SLC35F4: variants seen among roughly 807,000 people sequenced by gnomAD.
SLC35F4 encodes the protein chromosome 14 open reading frame 36.
In SLC35F4, 24 loss-of-function variants were observed where a neutral mutation model predicts 44.2. The ratio of observed to expected loss-of-function variants is 0.54; its 90% CI spans 0.39 to 0.76. The LOEUF (loss-of-function observed/expected upper bound fraction) is 0.76. Ranked by LOEUF, SLC35F4 falls within the 30% of genes least tolerant of loss-of-function variation. SLC35F4 has a pLI of 0.00. For synonymous variants in SLC35F4, 238 were observed against 223.6 expected (o/e 1.06, Z -0.57); for missense variants, 562 against 586.1 (o/e 0.96, Z 0.42).
chr14:57,618,265 A>C (rs563787494), intron 1 of SLC35F4, among the ~76,000 whole-genome samples: 1 of 152,362 alleles, frequency 6.6e-6, no homozygotes, highest in East Asian at 1.9e-4. Flanking sequence ...AAATAGGAAT[A>C]GCACTGGTAT....
intron 1 of SLC35F4, among the ~76,000 whole-genome samples, chr14:57,865,132 G>T (rs1188534499): frequency 6.6e-6 from 1 of 150,682 alleles, no homozygotes; most frequent in African/African-American, 2.5e-5. Context: ...GACCTGAGCA[G>T]GTTCTTTTCT....
intron 1 of SLC35F4, among the ~76,000 whole-genome samples, chr14:57,725,399 C>T (rs7156684): frequency 0.046 from 6,969 of 152,294 alleles, 204 homozygotes; most frequent in South Asian, 0.087. Context: ...GTTGATTATA[C>T]TGGACATCTT....
chr14:57,573,784 C>T (rs914522332), intron 4 of SLC35F4, among the ~76,000 whole-genome samples: 4 of 152,152 alleles, frequency 2.6e-5, no homozygotes, highest in Non-Finnish European at 5.9e-5. Context: ...GGTTAGTGTT[C>T]ATGTGCACAA....
At chr14:57,825,195 G>A (rs1161328135) in intron 1 of SLC35F4, among the ~76,000 whole-genome samples, 2 of 152,070 alleles carry the variant, frequency 1.3e-5, no homozygotes, top group Non-Finnish European at 2.9e-5. Context: ...ACAAGGAGAA[G>A]ACCATGAGAG....
chr14:57,895,581 A>ACTCTCTCTCT (rs373339951), intron 1 of SLC35F4, among the ~76,000 whole-genome samples: 6 of 131,834 alleles, frequency 4.6e-5, no homozygotes, highest in South Asian at 2.4e-4. Flanking sequence ...TCGCTCTCTC[A>ACTCTCTCTCT]CTCTCTCTCT....
At chr14:57,970,720 C>G (rs1881027947) in intron 1 of SLC35F4, among the ~76,000 whole-genome samples, 1 of 152,138 alleles carries the variant, frequency 6.6e-6, no homozygotes, top group East Asian at 1.9e-4. Flanking sequence ...GGAGTTGGCT[C>G]TATGACAAAA....
chr14:57,889,329 C>T (rs940082500), intron 1 of SLC35F4, among the ~76,000 whole-genome samples: 3 of 152,212 alleles, frequency 2.0e-5, no homozygotes, highest in African/African-American at 7.2e-5. Context: ...AAGCACGAGC[C>T]ATCTTGGCTT....
chr14:57,594,406 T>C (rs2070372348), intron 1 of SLC35F4, among the ~76,000 whole-genome samples: 1 of 152,094 alleles, frequency 6.6e-6, no homozygotes, highest in Admixed American at 6.5e-5. Context: ...CCAGGCTGGC[T>C]GAAGTAGATT....
At chr14:57,844,438 A>G (rs995801197) in intron 1 of SLC35F4, among the ~76,000 whole-genome samples, 4 of 152,220 alleles carry the variant, frequency 2.6e-5, no homozygotes, top group Non-Finnish European at 4.4e-5. Flanking sequence ...CAGGGTCAGC[A>G]TTCCAATGAT....
At chr14:57,929,085 T>A (rs972370327) in intron 1 of SLC35F4, among the ~76,000 whole-genome samples, 1 of 152,154 alleles carries the variant, frequency 6.6e-6, no homozygotes, top group Non-Finnish European at 1.5e-5. Context: ...AGTCTTGAGC[T>A]GTAAGAGATT....
chr14:57,700,873 T>G (rs2075519606), intron 1 of SLC35F4, among the ~76,000 whole-genome samples: 1 of 152,128 alleles, frequency 6.6e-6, no homozygotes, highest in Non-Finnish European at 1.5e-5. Context: ...ATCATCGCAC[T>G]TCAGCCTGGG....
In SLC35F4 at chr14:57,934,264, G is replaced by T. The variant is rs371086722; in HGVS notation, n.282+47649C>A. ...CCCTCTTTTGTCCCCCATTAACTAGGTTGTGGGGAGTGGGATGATGAGAAT... is the reference window on the plus strand; with the variant it reads ...CCCTCTTTTGTCCCCCATTAACTAGTTTGTGGGGAGTGGGATGATGAGAAT... On this transcript the variant is annotated intron_variant and non_coding_transcript_variant, in intron 1 of 1. Coordinates refer to the SLC35F4 transcript ENST00000556568. Among the ~76,000 whole-genome samples, 9 of 151,038 alleles carry T rather than the reference G, an allele frequency of 6.0e-5. No individual in the cohort carries two copies. In the East Asian group the frequency reaches 1.6e-3, roughly 26 times the overall value.
At chr14:57,887,054 C>T (rs763930311) in intron 1 of SLC35F4, among the ~76,000 whole-genome samples, 7 of 152,188 alleles carry the variant, frequency 4.6e-5, no homozygotes, top group Non-Finnish European at 1.0e-4. Flanking sequence ...TGCTAAAGGT[C>T]TGTATGCACA....
chr14:57,839,845 C>T (rs1407452114), intron 1 of SLC35F4, among the ~76,000 whole-genome samples: 1 of 152,118 alleles, frequency 6.6e-6, no homozygotes, highest in Non-Finnish European at 1.5e-5. Context: ...TTTAAATATT[C>T]CACAGGAGAT....
intron 1 of SLC35F4, among the ~76,000 whole-genome samples, chr14:57,799,880 G>T (rs1005283686): frequency 1.3e-5 from 2 of 152,240 alleles, no homozygotes; most frequent in Non-Finnish European, 2.9e-5. Flanking sequence ...GAGCTCTGAG[G>T]GGGAGGTGCA....
intron 1 of SLC35F4, among the ~76,000 whole-genome samples, chr14:57,937,484 CATA>C (rs1202304387): frequency 2.0e-5 from 3 of 148,940 alleles, no homozygotes; most frequent in Non-Finnish European, 3.0e-5. Flanking sequence ...ATAAAGAGGT[CATA>C]ATAATAGGTT....
intron 1 of SLC35F4, among the ~76,000 whole-genome samples, chr14:57,855,035 G>T (rs116167378): frequency 4.5e-4 from 68 of 152,254 alleles, no homozygotes; most frequent in African/African-American, 1.5e-3. Flanking sequence ...AGTGAGCATG[G>T]TTCTTTGAAG....
intron 1 of SLC35F4, among the ~76,000 whole-genome samples, chr14:57,678,625 A>G (rs2074781175): frequency 1.3e-5 from 2 of 152,016 alleles, no homozygotes; most frequent in African/African-American, 2.4e-5. Flanking sequence ...CAGGAGACCC[A>G]TCGCAAGTGC....
At position 57,865,902 on chromosome 14, in the gene SLC35F4, C is replaced by T. The variant is rs912982152; in HGVS notation, c.-77G>A. On this transcript the variant is annotated 5_prime_UTR_variant, in exon 1 of 8. Transcript: ENST00000556826. ...GGGGCCCGGGAGCTGGTGCAGGTGC[C>T]GGAGCCGCTGGTGCTGATCTTGCAG... The T allele has an allele frequency of 1.3e-5, 14 of 1,041,810 alleles. No individual in the cohort carries two copies. The highest frequency in any genetic ancestry group is 1.7e-5 in the Non-Finnish European group (13 of 748,302). 64.5% of individuals were successfully genotyped at this position (1,041,810 alleles called of 1,614,324 possible).
Sources: gnomAD v4.1 joint callset for allele counts (sites outside exome capture counted in the v4.1 genomes callset) on GRCh38, gnomAD v4.1.1 for gene constraint, MANE v1.5 for transcripts, NCBI Gene and HGNC (gene_info 2026-07-23, HGNC 2026-07-21) for gene names.